SCAF4: variants seen among roughly 807,000 people sequenced by gnomAD.
The protein encoded by SCAF4 is SR-related CTD associated factor 4.
A neutral mutation model predicts 129.8 loss-of-function variants in SCAF4; 25 were observed. That is an observed-to-expected ratio of 0.19 (90% confidence interval 0.14 to 0.27). SCAF4 has a LOEUF of 0.27. Ranked by LOEUF, SCAF4 falls within the 10% of genes least tolerant of loss-of-function variation. SCAF4 has a pLI of 1.00. For synonymous variants in SCAF4, 551 were observed against 497.7 expected, an observed-to-expected ratio of 1.11 and a Z score of -1.43; for missense variants, 1,246 against 1,457.1, an observed-to-expected ratio of 0.86 and a Z score of 2.36.
At chr21:31,728,241 T>C (rs1041271721) in intron 1 of SCAF4, among the ~76,000 whole-genome samples, 1 of 152,212 alleles carries the variant, frequency 6.6e-6, no homozygotes, top group African/African-American at 2.4e-5. Context: ...TATATACATA[T>C]AATACAAACA....
chr21:31,698,141 A>C (rs540226987), intron 7 of SCAF4, among the ~76,000 whole-genome samples: 12 of 152,338 alleles, frequency 7.9e-5, no homozygotes, highest in African/African-American at 2.9e-4. Context: ...TTTGAAGAAT[A>C]CTGCTTTAAA....
chr21:31,688,963 T>C (rs1455834987), intron 15 of SCAF4, among the ~76,000 whole-genome samples: 2 of 152,216 alleles, frequency 1.3e-5, no homozygotes, highest in African/African-American at 2.4e-5. Context: ...TCCACATATC[T>C]TCTAGTCAAG....
chr21:31,681,139 G>T (rs1253814346), intron 19 of SCAF4, among the ~76,000 whole-genome samples: 1 of 152,258 alleles, frequency 6.6e-6, no homozygotes, highest in East Asian at 1.9e-4. Flanking sequence ...AGTAGGAAGT[G>T]ATCTTACAAA....
intron 8 of SCAF4, 79 bp from the exon 9 acceptor site, chr21:31,696,300 T>C (rs1022049737): frequency 1.8e-6 from 2 of 1,092,720 alleles, no homozygotes; most frequent in African/African-American, 1.5e-5. Context: ...AAACAGAGTG[T>C]TGTTCATGAG....
At chr21:31,724,919 TACA>T (rs1241802393) in intron 1 of SCAF4, among the ~76,000 whole-genome samples, 2 of 152,084 alleles carry the variant, frequency 1.3e-5, no homozygotes, top group Non-Finnish European at 2.9e-5. Flanking sequence ...GGGAAATACT[TACA>T]ACAAGAACAT....
chr21:31,710,653 G>A (rs1007645526), intron 1 of SCAF4, among the ~76,000 whole-genome samples: 3 of 152,176 alleles, frequency 2.0e-5, no homozygotes, highest in Admixed American at 2.0e-4. Context: ...ATGAGCACCA[G>A]GACAAAGTAG....
chr21:31,720,015 G>A (rs2051033303), intron 1 of SCAF4, among the ~76,000 whole-genome samples: 2 of 152,068 alleles, frequency 1.3e-5, no homozygotes, highest in Admixed American at 1.3e-4. Flanking sequence ...AGGCCAGGAG[G>A]TGATTTTAGG....
At chr21:31,694,463 C>T (rs145185184) in intron 10 of SCAF4, among the ~76,000 whole-genome samples, 174 bp from the exon 11 acceptor site, 134 of 152,064 alleles carry the variant, frequency 8.8e-4, no homozygotes, top group African/African-American at 3.0e-3. Context: ...AAAACAAAAA[C>T]AAAAACCACT....
At chr21:31,692,054 T>C in intron 13 of SCAF4, 124 bp from the exon 14 acceptor site, 2 of 602,248 alleles carry the variant, frequency 3.3e-6, no homozygotes, top group East Asian at 5.5e-5. Context: ...AAGGTTAAAT[T>C]CATTTCTAAG....
intron 16 of SCAF4, 96 bp from the exon 17 acceptor site, chr21:31,685,829 T>C: frequency 8.1e-7 from 1 of 1,228,622 alleles, no homozygotes; most frequent in Non-Finnish European, 1.1e-6. Flanking sequence ...AAAAAATAGA[T>C]GTTTCTTAAT....
chr21:31,672,208 G>A lies in SCAF4; in HGVS notation c.2635C>T (p.Arg879Cys), dbSNP rs750354829. The change falls in exon 20 of 20, where the codon CGT becomes TGT. Residue 879 changes from arginine to cysteine, a missense_variant. By Grantham distance (180) the Arg-to-Cys change is radical. Transcript: ENST00000286835. ...HLQRFPLMPPRPMPPHMMHRG... is the reference protein window; with the variant it reads ...HLQRFPLMPPCPMPPHMMHRG... The stretch of plus-strand genomic sequence containing the variant: ...TGCATCATGTGCGGTGGCATGGGAC[G>A]GGGCGGCATCAAAGGGAACCGCTGT... 5 of 1,608,722 alleles carry A rather than the reference G, an allele frequency of 3.1e-6. No homozygotes were observed. The highest frequency in any genetic ancestry group is 3.4e-5 in the Admixed American group (2 of 59,400).
At chr21:31,706,428 T>C (rs768722440) in intron 1 of SCAF4, 71 bp from the exon 2 acceptor site, 42 of 973,268 alleles carry the variant, frequency 4.3e-5, no homozygotes, top group Non-Finnish European at 6.0e-5. Flanking sequence ...CTTTCCTACA[T>C]ATCTACATCA....
At chr21:31,725,826 C>T (rs566381967) in intron 1 of SCAF4, among the ~76,000 whole-genome samples, 14 of 152,136 alleles carry the variant, frequency 9.2e-5, no homozygotes, top group African/African-American at 3.4e-4. Context: ...GTTTAAATGA[C>T]GTGCAAAAAT....
intron 19 of SCAF4, among the ~76,000 whole-genome samples, chr21:31,676,876 C>A (rs540850576): frequency 9.2e-5 from 14 of 152,114 alleles, no homozygotes; most frequent in South Asian, 4.2e-4. Context: ...TCTGTCCCAG[C>A]CCCAAGCAAC....
intron 1 of SCAF4, among the ~76,000 whole-genome samples, chr21:31,717,878 C>CACACAT (rs1459301983): frequency 2.8e-5 from 3 of 105,800 alleles, no homozygotes; most frequent in African/African-American, 1.4e-4. Flanking sequence ...CACATATACA[C>CACACAT]ATATATACAC....
At chr21:31,674,226 T>C (rs1026072562) in intron 19 of SCAF4, among the ~76,000 whole-genome samples, 1 of 152,192 alleles carries the variant, frequency 6.6e-6, no homozygotes, top group African/African-American at 2.4e-5. Context: ...ACCACATCTC[T>C]TAAGTACTTT....
intron 1 of SCAF4, among the ~76,000 whole-genome samples, chr21:31,709,441 G>A (rs765893799): frequency 1.3e-5 from 2 of 151,720 alleles, no homozygotes; most frequent in Admixed American, 6.6e-5. Context: ...AAATTTTAAG[G>A]AAACCTAAGC....
intron 19 of SCAF4, among the ~76,000 whole-genome samples, chr21:31,681,166 A>G (rs906949399): frequency 1.3e-5 from 2 of 152,260 alleles, no homozygotes; most frequent in African/African-American, 4.8e-5. Context: ...ACTCTTATTT[A>G]TAAATTTTAC....
chr21:31,713,702 G>T (rs975214412), intron 1 of SCAF4, among the ~76,000 whole-genome samples: 1 of 114,900 alleles, frequency 8.7e-6, no homozygotes, highest in Non-Finnish European at 1.6e-5. Flanking sequence ...TAATGTGTAG[G>T]TTCCTTCAAA....
Sources: allele counts gnomAD v4.1 joint callset (sites outside exome capture counted in the v4.1 genomes callset), GRCh38; gene constraint gnomAD v4.1.1; transcripts MANE v1.5; gene names NCBI Gene and HGNC (gene_info 2026-07-23, HGNC 2026-07-21).